Variants in APP observed in about 807,000 individuals in gnomAD.
APP encodes the protein amyloid beta precursor protein.
A neutral mutation model predicts 101.4 loss-of-function variants in APP; 31 were observed. That is an observed-to-expected ratio of 0.31 (90% confidence interval 0.23 to 0.41). APP has a LOEUF of 0.41. Ranked by LOEUF, APP falls within the 10% of genes least tolerant of loss-of-function variation. The pLI is 1.00. For missense variants in APP, 839 were observed against 1,003.7 expected (o/e 0.84, Z 2.22); for synonymous variants, 366 against 364.4 (o/e 1.00, Z -0.05).
intron 13 of APP, among the ~76,000 whole-genome samples, chr21:25,947,729 G>A (rs564655652): frequency 3.3e-4 from 51 of 152,292 alleles, no homozygotes; most frequent in South Asian, 2.5e-3. Flanking sequence ...TTGGCCAGAT[G>A]TGGGGGCTCA....
chr21:26,139,999 T>G (rs2063006025), intron 1 of APP, among the ~76,000 whole-genome samples: 2 of 152,234 alleles, frequency 1.3e-5, no homozygotes, highest in African/African-American at 4.8e-5. Flanking sequence ...ATGGCCAAAT[T>G]AAATCATTAC....
Position 26,021,842 on chromosome 21 carries a change from C to A in APP, c.863G>T (p.Arg288Leu). 1 of 1,613,214 alleles carries A rather than the reference C, an allele frequency of 6.2e-7. No individual in the cohort carries two copies. Among genetic ancestry groups the A allele is most frequent in the South Asian group, 1.1e-5 (1 of 91,056 alleles). The part of the protein sequence containing the change: ...TTTESVEEVV[R>L]EVCSEQAETG... ...AATCCAAGCAAATGGTGGATTACCT[C>A]GAACCACCTCTTCCACAGACTCTGT... Residue 288 changes from arginine to leucine, a missense_variant and splice_region_variant, in exon 6 of 18, where the codon CGA becomes CTA. By Grantham distance (102) the Arg-to-Leu change is moderately radical. Coordinates refer to ENST00000346798, the MANE Select transcript of APP (RefSeq NM_000484.4).
chr21:25,882,164 C>T (rs1193636375), intron 17 of APP, among the ~76,000 whole-genome samples: 3 of 151,572 alleles, frequency 2.0e-5, no homozygotes, highest in African/African-American at 7.3e-5. Flanking sequence ...TAGATAAAAC[C>T]ACAAGAGTAT....
chr21:26,111,578 A>AT (rs1451199087), intron 2 of APP, among the ~76,000 whole-genome samples: 1 of 151,026 alleles, frequency 6.6e-6, no homozygotes, highest in East Asian at 2.0e-4. Flanking sequence ...TCTACTAAAA[A>AT]TTAAAAAAAA....
intron 9 of APP, among the ~76,000 whole-genome samples, chr21:25,980,922 T>C (rs1231576276): frequency 6.6e-6 from 1 of 152,110 alleles, no homozygotes; most frequent in Admixed American, 6.5e-5. Context: ...AGCCTTTTAT[T>C]GTGGTTTTCA....
intron 8 of APP, among the ~76,000 whole-genome samples, chr21:25,988,013 A>G (rs1218482823): frequency 6.6e-6 from 1 of 152,234 alleles, no homozygotes; most frequent in East Asian, 1.9e-4. Flanking sequence ...AGCAGAGTTC[A>G]GAAGGATCGG....
intron 6 of APP, among the ~76,000 whole-genome samples, chr21:26,002,073 G>A (rs186176291): frequency 9.8e-5 from 15 of 152,332 alleles, no homozygotes; most frequent in South Asian, 4.1e-4. Context: ...CTTTGGGAGC[G>A]TGGACTTTGA....
intron 5 of APP, among the ~76,000 whole-genome samples, chr21:26,038,234 A>G (rs1471945904): frequency 6.7e-6 from 1 of 148,740 alleles, no homozygotes; most frequent in Non-Finnish European, 1.5e-5. Flanking sequence ...ACCAAAACTA[A>G]TTTTAATAAT....
chr21:25,940,061 C>G (rs1269697139), intron 13 of APP, among the ~76,000 whole-genome samples: 1 of 152,192 alleles, frequency 6.6e-6, no homozygotes, highest in Non-Finnish European at 1.5e-5. Context: ...CATTTCCACC[C>G]AAGTTTCTTA....
intron 2 of APP, among the ~76,000 whole-genome samples, chr21:26,105,778 C>T (rs889480464): frequency 3.3e-5 from 5 of 152,140 alleles, no homozygotes; most frequent in Non-Finnish European, 7.4e-5. Flanking sequence ...CTCAATACTC[C>T]CCAAAAAGCC....
chr21:26,055,435 A>G (rs1354576654), intron 3 of APP, among the ~76,000 whole-genome samples: 1 of 152,186 alleles, frequency 6.6e-6, no homozygotes, highest in African/African-American at 2.4e-5. Flanking sequence ...AAACAAAACA[A>G]AAACAAAAAA....
At chr21:26,114,287 C>T (rs1270072178) in intron 1 of APP, among the ~76,000 whole-genome samples, 3 of 152,270 alleles carry the variant, frequency 2.0e-5, no homozygotes, top group Middle Eastern at 3.4e-3. Context: ...CAATTTCTCT[C>T]CCCAGGGTAG....
At chr21:26,118,921 G>A (rs1434166152) in intron 1 of APP, among the ~76,000 whole-genome samples, 1 of 152,028 alleles carries the variant, frequency 6.6e-6, no homozygotes, top group Non-Finnish European at 1.5e-5. Flanking sequence ...TATAGTATTT[G>A]AGATCTTTAT....
At chr21:25,904,775 T>G (rs772549925) in intron 15 of APP, among the ~76,000 whole-genome samples, 3 of 152,068 alleles carry the variant, frequency 2.0e-5, no homozygotes, top group Non-Finnish European at 2.9e-5. Context: ...AACCCAAATT[T>G]GGAAGGGCTC....
At chr21:26,045,941 C>A (rs1432240802) in intron 5 of APP, among the ~76,000 whole-genome samples, 1 of 152,180 alleles carries the variant, frequency 6.6e-6, no homozygotes, top group Non-Finnish European at 1.5e-5. Flanking sequence ...GCCTCACAAT[C>A]ACGGTGGAAG....
intron 14 of APP, among the ~76,000 whole-genome samples, chr21:25,905,970 G>A (rs547324566): frequency 2.7e-4 from 41 of 152,336 alleles, no homozygotes; most frequent in African/African-American, 8.7e-4. Context: ...AGGTGCAGGG[G>A]GAAGCTGCTT....
At chr21:25,974,796 A>G (rs890111663) in intron 11 of APP, among the ~76,000 whole-genome samples, 1 of 152,114 alleles carries the variant, frequency 6.6e-6, no homozygotes, top group African/African-American at 2.4e-5. Context: ...GGAATATTAA[A>G]TCAAGTCAGG....
At chr21:25,978,403 C>T (rs1488213314) in intron 9 of APP, among the ~76,000 whole-genome samples, 1 of 152,126 alleles carries the variant, frequency 6.6e-6, no homozygotes, top group African/African-American at 2.4e-5. Flanking sequence ...ATTGATTCCT[C>T]ACAACAGCTT....
chr21:26,120,840 A>G (rs2062549611), intron 1 of APP, among the ~76,000 whole-genome samples: 1 of 152,184 alleles, frequency 6.6e-6, no homozygotes, highest in Admixed American at 6.5e-5. Flanking sequence ...TGGCTATGTG[A>G]ATACAAAAAT....
Sources: allele counts gnomAD v4.1 joint callset (sites outside exome capture counted in the v4.1 genomes callset), GRCh38; gene constraint gnomAD v4.1.1; transcripts MANE v1.5; gene names NCBI Gene and HGNC (gene_info 2026-07-23, HGNC 2026-07-21).